Variants in FAT4 observed in about 807,000 individuals in gnomAD.
The protein encoded by FAT4 is protocadherin Fat 4.
A neutral mutation model predicts 303.9 loss-of-function variants in FAT4; 84 were observed. The observed-to-expected ratio is 0.28, with a 90% CI of 0.23 to 0.33. The LOEUF (loss-of-function observed/expected upper bound fraction) is 0.33, where lower values mean the gene tolerates loss of function less well. FAT4 is among the 10% of genes least tolerant of loss of function. The pLI, the probability that FAT4 is intolerant of heterozygous loss-of-function variation, is 1.00. For synonymous variants in FAT4, 2,307 were observed against 2,298.8 expected (o/e 1.00, Z -0.10); for missense variants, 6,005 against 6,146.8 (o/e 0.98, Z 0.77).
chr4:125,352,372 C>T (rs895041859), intron 2 of FAT4, among the ~76,000 whole-genome samples: 1 of 151,430 alleles, frequency 6.6e-6, no homozygotes, highest in Non-Finnish European at 1.5e-5. Flanking sequence ...CCAAGTGTAA[C>T]AGCTTTAAAT....
intron 2 of FAT4, among the ~76,000 whole-genome samples, chr4:125,349,495 C>G (rs944284928): frequency 3.3e-5 from 5 of 151,636 alleles, no homozygotes; most frequent in Non-Finnish European, 5.9e-5. Flanking sequence ...CTCATTCACC[C>G]TAAATGGTCC....
intron 8 of FAT4, among the ~76,000 whole-genome samples, chr4:125,440,922 C>A (rs898658102): frequency 2.6e-5 from 4 of 152,110 alleles, no homozygotes; most frequent in Admixed American, 6.5e-5. Flanking sequence ...TATACTCAAT[C>A]AGTGGACAAA....
intron 2 of FAT4, among the ~76,000 whole-genome samples, chr4:125,376,105 A>G (rs1453899418): frequency 6.6e-6 from 1 of 152,200 alleles, no homozygotes; most frequent in Non-Finnish European, 1.5e-5. Flanking sequence ...GTGAATTTAA[A>G]TTGTTTTGAG....
At chr4:125,475,138 T>G (rs1353853423) in intron 12 of FAT4, among the ~76,000 whole-genome samples, 3 of 152,118 alleles carry the variant, frequency 2.0e-5, no homozygotes, top group South Asian at 2.1e-4. Context: ...TTGCTATTCC[T>G]GTGATATACT....
At chr4:125,339,931 T>C (rs1731719706) in intron 2 of FAT4, among the ~76,000 whole-genome samples, 1 of 152,174 alleles carries the variant, frequency 6.6e-6, no homozygotes, top group Non-Finnish European at 1.5e-5. Flanking sequence ...TATAATTGTA[T>C]AATTGTATAT....
In FAT4 at chr4:125,449,889, G is replaced by A. The variant is rs961185884; in HGVS notation, c.8879G>A (p.Arg2960Gln). 9.9e-6 allele frequency: 16 copies of A among 1,613,754 alleles called. No homozygotes were observed. The highest frequency in any genetic ancestry group is 5.0e-5 in the Admixed American group (3 of 59,972). ...RHSFIVTSSD[R>Q]GKPSLISETT... ...AGTTTTATAGTGACATCTTCAGATC[G>A]AGGTAAACCTTCCTTAATTAGTGAG... Residue 2960 changes from arginine (R) to glutamine (Q), a missense_variant, in exon 10 of 18, where the codon CGA (arginine) becomes CAA (glutamine). Coordinates refer to ENST00000394329, the MANE Select transcript of FAT4 (RefSeq NM_001291303.3).
chr4:125,393,486 G>T (rs577215711), intron 2 of FAT4, among the ~76,000 whole-genome samples: 40 of 152,202 alleles, frequency 2.6e-4, no homozygotes, highest in Admixed American at 4.6e-4. Flanking sequence ...GTTAGGTAAT[G>T]ATTGTTCCTT....
intron 2 of FAT4, among the ~76,000 whole-genome samples, chr4:125,357,812 C>G (rs533277734): frequency 6.6e-6 from 1 of 152,090 alleles, no homozygotes; most frequent in East Asian, 1.9e-4. Context: ...CGTGGATGCT[C>G]TCGTTTGTTG....
At chr4:125,457,908 A>T (rs1021455669) in intron 10 of FAT4, among the ~76,000 whole-genome samples, 6 of 152,056 alleles carry the variant, frequency 3.9e-5, no homozygotes, top group Non-Finnish European at 7.4e-5. Context: ...CTTGCACTTA[A>T]TAGAACACTA....
intron 11 of FAT4, 136 bp downstream of exon 11, chr4:125,463,803 AAT>A (rs1330108389): frequency 3.9e-6 from 2 of 515,790 alleles, no homozygotes; most frequent in African/African-American, 3.9e-5. Flanking sequence ...TAAAATCTTA[AAT>A]GTTTAACATT....
intron 4 of FAT4, 48 bp downstream of exon 4, chr4:125,407,189 C>T (rs1186264074): frequency 1.3e-6 from 2 of 1,533,840 alleles, no homozygotes; most frequent in Non-Finnish European, 1.8e-6. Context: ...CGCTTTTGAA[C>T]CAAAATTACA....
intron 2 of FAT4, among the ~76,000 whole-genome samples, chr4:125,388,264 A>T (rs2126004387): frequency 6.6e-6 from 1 of 152,306 alleles, no homozygotes; most frequent in African/African-American, 2.4e-5. Context: ...AAAGTTGTTT[A>T]TGGGGAGGGG....
chr4:125,330,922 C>G (rs530229274), intron 2 of FAT4, among the ~76,000 whole-genome samples: 1 of 152,228 alleles, frequency 6.6e-6, no homozygotes, highest in Admixed American at 6.5e-5. Flanking sequence ...ATTCCCCTTG[C>G]CTGAACTTGT....
At position 125,335,408 on chromosome 4, in the gene FAT4, G is replaced by A. The variant is rs184357468; in HGVS notation, c.5175+13822G>A. Among the ~76,000 whole-genome samples, 383 of 152,148 alleles carry A rather than the reference G, an allele frequency of 2.5e-3. 3 individuals carry two copies. The highest frequency in any genetic ancestry group is 8.7e-3 in the African/African-American group (360 of 41,532). ...TAGGAGTAGAGGTGATTTTCTCGGA[G>A]TGCTGTTTATTATAAGTGTCTAAAA... On this transcript the variant is annotated intron_variant, in intron 2 of 17. Coordinates refer to ENST00000394329, the MANE Select transcript of FAT4 (RefSeq NM_001291303.3).
intron 2 of FAT4, among the ~76,000 whole-genome samples, chr4:125,352,274 A>C (rs1732254599): frequency 6.6e-6 from 1 of 151,592 alleles, no homozygotes; most frequent in Non-Finnish European, 1.5e-5. Context: ...TGTGATTTTC[A>C]AACTAGAGCT....
intron 13 of FAT4, 104 bp downstream of exon 13, chr4:125,476,360 A>G: frequency 2.3e-6 from 1 of 438,680 alleles, no homozygotes; most frequent in Non-Finnish European, 3.8e-6. Flanking sequence ...CATAAAGCTT[A>G]AGATATTTTA....
At chr4:125,457,549 A>G (rs1454717572) in intron 10 of FAT4, among the ~76,000 whole-genome samples, 4 of 152,008 alleles carry the variant, frequency 2.6e-5, no homozygotes, top group Non-Finnish European at 5.9e-5. Context: ...AAGAACCAAA[A>G]GAAAATTGAA....
At chr4:125,392,496 T>C (rs533630140) in intron 2 of FAT4, among the ~76,000 whole-genome samples, 2 of 152,320 alleles carry the variant, frequency 1.3e-5, no homozygotes, top group East Asian at 3.9e-4. Context: ...GGTATTTATA[T>C]GTTGCATCTT....
chr4:125,409,975 T>C (rs1007837298), intron 5 of FAT4, among the ~76,000 whole-genome samples: 5 of 152,286 alleles, frequency 3.3e-5, no homozygotes, highest in African/African-American at 1.2e-4. Flanking sequence ...TCTTATGACT[T>C]GGATGATTTG....
Sources: gnomAD v4.1 joint callset for allele counts (sites outside exome capture counted in the v4.1 genomes callset) on GRCh38, gnomAD v4.1.1 for gene constraint, MANE v1.5 for transcripts, NCBI Gene and HGNC (gene_info 2026-07-23, HGNC 2026-07-21) for gene names.